BBX: variants seen among roughly 807,000 people sequenced by gnomAD.
The protein encoded by BBX is BBX high mobility group box domain containing, also known as HMG box transcription factor BBX.
BBX carries 30 observed loss-of-function variants against 100.2 expected under a neutral mutation model. The ratio of observed to expected loss-of-function variants is 0.30; its 90% CI spans 0.22 to 0.41. BBX has a LOEUF of 0.41. Among genes scored for constraint, BBX ranks in the 10% least tolerant of loss-of-function variants. BBX has a pLI of 1.00. For synonymous variants in BBX, 376 were observed against 388.1 expected, an observed-to-expected ratio of 0.97 and a Z score of 0.37; for missense variants, 1,023 against 1,129.8, an observed-to-expected ratio of 0.91 and a Z score of 1.35.
chr3:107,621,902 T>C (rs1047274241), intron 2 of BBX, among the ~76,000 whole-genome samples: 4 of 152,220 alleles, frequency 2.6e-5, no homozygotes, highest in Non-Finnish European at 4.4e-5. Context: ...TTTGTTTTTC[T>C]AGGTTTGCTT....
intron 2 of BBX, among the ~76,000 whole-genome samples, chr3:107,605,390 G>A (rs1388536523): frequency 6.6e-6 from 1 of 151,084 alleles, no homozygotes; most frequent in Admixed American, 6.6e-5. Context: ...TTTTTTTGGG[G>A]GGGGGATTTA....
chr3:107,683,036 A>C (rs9848674), intron 3 of BBX, among the ~76,000 whole-genome samples: 40,531 of 152,078 alleles, frequency 0.27, 6,730 homozygotes, highest in South Asian at 0.42. Flanking sequence ...GGAGACAAAA[A>C]TATCAGTCAA....
At chr3:107,597,354 TA>T (rs1381057576) in intron 2 of BBX, among the ~76,000 whole-genome samples, 1 of 152,170 alleles carries the variant, frequency 6.6e-6, no homozygotes, top group Non-Finnish European at 1.5e-5. Context: ...TGATTGTTTT[TA>T]AAAAGTATCA....
chr3:107,595,947 A>G (rs2053642062), intron 2 of BBX, among the ~76,000 whole-genome samples: 1 of 152,296 alleles, frequency 6.6e-6, no homozygotes, highest in Middle Eastern at 3.4e-3. Flanking sequence ...TAGTATCTAC[A>G]TATATTTTAG....
At chr3:107,802,612 G>C (rs1467240350) in intron 17 of BBX, among the ~76,000 whole-genome samples, 1 of 152,228 alleles carries the variant, frequency 6.6e-6, no homozygotes, top group Non-Finnish European at 1.5e-5. Context: ...TTGAGAGAGG[G>C]ATAATAATTC....
intron 6 of BBX, among the ~76,000 whole-genome samples, chr3:107,730,951 A>G (rs1217045023): frequency 6.6e-6 from 1 of 152,196 alleles, no homozygotes; most frequent in Non-Finnish European, 1.5e-5. Context: ...TGTTTACCTC[A>G]ATATGGAATC....
chr3:107,558,478 ACT>A (rs998500907), intron 2 of BBX, among the ~76,000 whole-genome samples: 3 of 151,792 alleles, frequency 2.0e-5, no homozygotes, highest in Admixed American at 1.3e-4. Context: ...ACAGAGCGAG[ACT>A]CTGTCTCAAA....
rs142400819 is a variant in BBX at position 107,716,685 on chromosome 3, C to G, written c.241C>G (p.Arg81Gly). 6.2e-7 allele frequency: 1 copy of G among 1,613,762 alleles called. No homozygotes were observed. ...EDDESPEQRARRPMNAFLLFC... is the reference protein window; with the variant it reads ...EDDESPEQRAGRPMNAFLLFC... ...TGATGAATCACCAGAGCAGCGAGCC[C>G]GGAGACCAATGAATGCATTTCTTTT... Residue 81 changes from arginine to glycine, a missense_variant, in exon 5 of 18, where the codon CGG becomes GGG. This residue lies in a region of BBX where 229 missense variants were observed against 226.3 expected (regional missense o/e 1.01). Coordinates refer to ENST00000325805, the MANE Select transcript of BBX (RefSeq NM_001142568.3).
At chr3:107,634,750 C>T (rs1247688731) in intron 2 of BBX, among the ~76,000 whole-genome samples, 1 of 152,198 alleles carries the variant, frequency 6.6e-6, no homozygotes, top group Non-Finnish European at 1.5e-5. Flanking sequence ...TTCCAGAAAC[C>T]TGTAAAAGCC....
intron 3 of BBX, among the ~76,000 whole-genome samples, chr3:107,664,132 A>C (rs895540334): frequency 6.6e-6 from 1 of 151,390 alleles, no homozygotes; most frequent in African/African-American, 2.4e-5. Flanking sequence ...CTTTTCTTTT[A>C]TTTTTGTCAT....
chr3:107,757,295 A>T (rs2065561105), intron 10 of BBX, among the ~76,000 whole-genome samples: 1 of 152,046 alleles, frequency 6.6e-6, no homozygotes, highest in Non-Finnish European at 1.5e-5. Context: ...TTGGCATAGC[A>T]GTCATAAAAA....
At chr3:107,716,989 G>T (rs556857488) in intron 5 of BBX, 140 bp downstream of exon 5, 23 of 1,103,638 alleles carry the variant, frequency 2.1e-5, no homozygotes, top group Admixed American at 7.8e-5. Flanking sequence ...AAACATAACC[G>T]CTTTCTTTGT....
intron 2 of BBX, among the ~76,000 whole-genome samples, chr3:107,592,826 A>G (rs2053426904): frequency 6.6e-6 from 1 of 152,160 alleles, no homozygotes; most frequent in African/African-American, 2.4e-5. Context: ...AAGGGCCAAC[A>G]ATTTCTGTTA....
chr3:107,636,238 A>G (rs1308146341), intron 2 of BBX, among the ~76,000 whole-genome samples: 2 of 152,186 alleles, frequency 1.3e-5, no homozygotes, highest in Non-Finnish European at 2.9e-5. Context: ...GAATTAGGTC[A>G]GTCCCACTCA....
intron 4 of BBX, chr3:107,711,362 A>G (rs2061711258): frequency 2.1e-6 from 1 of 470,768 alleles, no homozygotes; most frequent in African/African-American, 2.0e-5. Context: ...TGCCTGGCAC[A>G]TAGTAGGTAT....
rs534215596 is a variant in BBX, at chr3:107,546,768, A to G, written c.-84+20370A>G. 3.9e-5 allele frequency among the ~76,000 whole-genome samples: 6 copies of G among 152,306 alleles called. No homozygotes were observed. The South Asian group carries it at 1.2e-3, about 32-fold the overall frequency. The stretch of plus-strand genomic sequence containing the variant: ...TTGATCATGATTTGGGACCTGAAAA[A>G]CTATCTTATTTCTTTATAAATGTAA... On this transcript the variant is annotated intron_variant, in intron 2 of 17. Coordinates refer to ENST00000325805, the MANE Select transcript of BBX (RefSeq NM_001142568.3).
intron 3 of BBX, among the ~76,000 whole-genome samples, chr3:107,688,269 A>G (rs1307557548): frequency 6.6e-6 from 1 of 152,204 alleles, no homozygotes; most frequent in Non-Finnish European, 1.5e-5. Context: ...CTGTGATCAC[A>G]TCCCTTGAAA....
chr3:107,580,873 C>T (rs1412154615), intron 2 of BBX, among the ~76,000 whole-genome samples: 13 of 152,186 alleles, frequency 8.5e-5, no homozygotes, highest in African/African-American at 1.9e-4. Context: ...TCAGGTGATC[C>T]GCCCGCCTCG....
chr3:107,618,822 G>C (rs969780627), intron 2 of BBX, among the ~76,000 whole-genome samples: 1 of 152,056 alleles, frequency 6.6e-6, no homozygotes, highest in African/African-American at 2.4e-5. Flanking sequence ...ATAACATGTA[G>C]TCTGTTTTGG....
Sources: allele counts gnomAD v4.1 joint callset (sites outside exome capture counted in the v4.1 genomes callset), GRCh38; gene constraint gnomAD v4.1.1; regional missense constraint gnomAD v4.1.1; transcripts MANE v1.5; gene names NCBI Gene and HGNC (gene_info 2026-07-23, HGNC 2026-07-21).